Variants in RASSF5 observed in about 807,000 individuals in gnomAD.
RASSF5 encodes the protein Ras association domain family member 5.
A neutral mutation model predicts 40.5 loss-of-function variants in RASSF5; 25 were observed. That is an observed-to-expected ratio of 0.62 (90% confidence interval 0.45 to 0.86). RASSF5 has a LOEUF of 0.86. Ranked by LOEUF, RASSF5 falls within the 40% of genes least tolerant of loss-of-function variation. The probability of loss-of-function intolerance (pLI) is 0.00; values close to 1 mark genes in which losing one functional copy is unlikely to be tolerated. For missense variants in RASSF5, 521 were observed against 572.8 expected, an observed-to-expected ratio of 0.91 and a Z score of 0.92; for synonymous variants, 246 against 252.4, an observed-to-expected ratio of 0.97 and a Z score of 0.24.
In RASSF5 at chr1:206,584,465, C is replaced by A. The variant is rs782709734; in HGVS notation, c.769C>A (p.Arg257=). Residue 257 remains arginine, a synonymous_variant, in exon 4 of 6, where the codon CGG becomes AGG. Transcript: ENST00000579436. The surrounding 1 kb of genome is among the most constrained non-coding windows in gnomAD (Gnocchi z 4.9). ...GCCTGTGACGGTGCCTGCTGGGATC[C>A]GGCCCCAGTCCATCTATGATGCCAT... The part of the protein sequence containing the change: ...RRPVTVPAGI[R]PQSIYDAIKE... 13 of 1,614,156 alleles carry A rather than the reference C, an allele frequency of 8.1e-6. No individual in the cohort carries two copies. The highest frequency in any genetic ancestry group is 3.3e-4 in the Middle Eastern group (2 of 6,062).
intron 2 of RASSF5, among the ~76,000 whole-genome samples, chr1:206,575,167 C>T (rs190350755): frequency 5.8e-4 from 89 of 152,172 alleles, no homozygotes; most frequent in African/African-American, 2.1e-3. Context: ...GGGTGTCTGC[C>T]CCTTGCCTGC....
intron 1 of RASSF5, among the ~76,000 whole-genome samples, chr1:206,534,470 T>G (rs782789318): frequency 6.6e-6 from 1 of 152,180 alleles, no homozygotes; most frequent in Non-Finnish European, 1.5e-5. Context: ...CTGCCTCTTG[T>G]TTGCAAGATC....
intron 2 of RASSF5, among the ~76,000 whole-genome samples, chr1:206,575,521 G>C (rs997229701): frequency 9.9e-5 from 15 of 152,156 alleles, no homozygotes; most frequent in East Asian, 1.9e-4. Flanking sequence ...AAAAAGTAAA[G>C]TCGTGGCGGT....
intron 1 of RASSF5, chr1:206,528,889 T>G: frequency 1.9e-6 from 1 of 513,360 alleles, no homozygotes; most frequent in Non-Finnish European, 3.4e-6. Flanking sequence ...AATTAAAAAA[T>G]TAGCTCTCTC....
intron 1 of RASSF5, among the ~76,000 whole-genome samples, chr1:206,512,252 A>G (rs1666637181): frequency 6.6e-6 from 1 of 152,152 alleles, no homozygotes; most frequent in Non-Finnish European, 1.5e-5. Context: ...GTTAGGGGCC[A>G]GGGAAAGGAC....
Position 206,575,865 on chromosome 1 carries a change from A to C in RASSF5, c.580-7404A>C, listed in dbSNP as rs1668621278. 1.3e-5 allele frequency among the ~76,000 whole-genome samples: 2 copies of C among 152,240 alleles called. 1 individual carries two copies. The highest frequency in any genetic ancestry group is 4.1e-4 in the South Asian group (2 of 4,832). On this transcript the variant is annotated intron_variant, in intron 2 of 5. Transcript: ENST00000579436. ...AGAGCTGAGCCACACGGCTAACGCCAAAGTCCAAAGCCTGGTGTGTGTTCT... is the reference window on the plus strand; with the variant it reads ...AGAGCTGAGCCACACGGCTAACGCCCAAGTCCAAAGCCTGGTGTGTGTTCT...
At chr1:206,546,290 G>A (rs1325016154) in intron 2 of RASSF5, among the ~76,000 whole-genome samples, 5 of 150,950 alleles carry the variant, frequency 3.3e-5, no homozygotes, top group Non-Finnish European at 5.9e-5. Context: ...TGTACTTTTC[G>A]TAGAGACCGG....
chr1:206,578,829 A>T (rs1553405681), intron 2 of RASSF5, among the ~76,000 whole-genome samples: 1 of 151,980 alleles, frequency 6.6e-6, no homozygotes, highest in Non-Finnish European at 1.5e-5. Flanking sequence ...GCATTAGGTC[A>T]CTCTCCAGTC....
chr1:206,576,703 T>C (rs1258593685), intron 2 of RASSF5, among the ~76,000 whole-genome samples: 1 of 152,140 alleles, frequency 6.6e-6, no homozygotes, highest in African/African-American at 2.4e-5. Context: ...GGAAACTACA[T>C]AGAGAAGGTG....
chr1:206,580,313 T>A (rs940101373), intron 2 of RASSF5, among the ~76,000 whole-genome samples: 8 of 152,216 alleles, frequency 5.3e-5, no homozygotes, highest in African/African-American at 1.9e-4. Context: ...TTGGAAACTA[T>A]GAGAGGAGAT....
rs111741631 is a variant in RASSF5 at position 206,573,116 on chromosome 1, G to C, written c.580-10153G>C. Among the ~76,000 whole-genome samples, 1,078 of 152,320 alleles carry C rather than the reference G, an allele frequency of 7.1e-3. 15 individuals are homozygous for C. Among genetic ancestry groups the C allele is most frequent in the African/African-American group, 0.021 (866 of 41,558 alleles). On this transcript the variant is annotated intron_variant, in intron 2 of 5. Transcript: ENST00000579436. ...CTGTGTACTTTGTGCTAAGCACTTT[G>C]AGGCCTGAGATCTCATTTCATCTTC...
intron 2 of RASSF5, among the ~76,000 whole-genome samples, chr1:206,577,232 C>T (rs1188897560): frequency 6.6e-6 from 1 of 152,124 alleles, no homozygotes; most frequent in Non-Finnish European, 1.5e-5. Context: ...TACTGTCTGA[C>T]CCTTTACAGA....
chr1:206,533,830 T>C (rs968487504), intron 1 of RASSF5, among the ~76,000 whole-genome samples: 1 of 152,086 alleles, frequency 6.6e-6, no homozygotes, highest in Admixed American at 6.6e-5. Context: ...TAGTTGCAGG[T>C]GTCATTAAGA....
Position 206,584,276 on chromosome 1 carries a change from G to A in RASSF5, c.691-111G>A, listed in dbSNP as rs1669013256. On this transcript the variant is annotated intron_variant, in intron 3 of 5. Transcript: ENST00000579436. The surrounding 1 kb of genome is among the most constrained non-coding windows in gnomAD (Gnocchi z 4.9). ...AGCTCTCCCACGTCAGCAGAGGCAG[G>A]AAAGAACTCAAGGAGACAGGTGGGT... 9.4e-7 allele frequency: 1 copy of A among 1,068,068 alleles called. No homozygotes were observed. Among genetic ancestry groups the A allele is most frequent in the Admixed American group, 2.8e-5 (1 of 36,030 alleles). 66.2% of individuals were successfully genotyped at this position (1,068,068 alleles called of 1,614,324 possible).
rs1669064719 is a variant in RASSF5 at position 206,585,245 on chromosome 1, A to ACGG, written c.1055_1057dup (p.Thr352_Glu353insAla). 6.2e-7 allele frequency: 1 copy of ACGG among 1,613,942 alleles called. No individual in the cohort carries two copies. Among genetic ancestry groups the ACGG allele is most frequent in the Non-Finnish European group, 8.5e-7 (1 of 1,179,996 alleles). On this transcript the variant is annotated inframe_insertion, in exon 5 of 6. Coordinates refer to ENST00000579436, the MANE Select transcript of RASSF5 (RefSeq NM_182663.4). The stretch of plus-strand genomic sequence containing the variant: ...CCTGCGCCTGCTTGCTGGGCCTGAC[A>ACGG]CGGAGGTCCTCAGCTTTGTGCTAAA...
chr1:206,546,244 G>C lies in RASSF5; in HGVS notation c.579+7951G>C, dbSNP rs571375072. On this transcript the variant is annotated intron_variant, in intron 2 of 5. Transcript: ENST00000579436. ...CCACTTCAGCCTCTCGAGGAACTGGGACTACACATGCACCACCACACCTGG... is the reference window on the plus strand; with the variant it reads ...CCACTTCAGCCTCTCGAGGAACTGGCACTACACATGCACCACCACACCTGG... Among the ~76,000 whole-genome samples, 395 of 151,166 alleles carry C rather than the reference G, an allele frequency of 2.6e-3. 4 individuals are homozygous for C. Among genetic ancestry groups the C allele is most frequent in the African/African-American group, 9.3e-3 (383 of 41,158 alleles).
intron 2 of RASSF5, among the ~76,000 whole-genome samples, chr1:206,566,804 T>C (rs1280559792): frequency 6.6e-6 from 1 of 152,170 alleles, no homozygotes; most frequent in African/African-American, 2.4e-5. Flanking sequence ...CGCCGCTCTT[T>C]CTCTCCTATC....
rs1458927694 is a variant in RASSF5, at chr1:206,587,897, A to G, written c.*919A>G. The stretch of plus-strand genomic sequence containing the variant: ...AAGCTGTCTTCAGCCTTCCCCAGCT[A>G]AAGAGCAGAGGAGGGCCTGGGCTAC... On this transcript the variant is annotated 3_prime_UTR_variant, in exon 6 of 6. Coordinates refer to ENST00000579436, the MANE Select transcript of RASSF5 (RefSeq NM_182663.4). The G allele has an allele frequency of 1.3e-5, 2 of 152,874 alleles. No homozygotes were observed. The highest frequency in any genetic ancestry group is 2.9e-5 in the Non-Finnish European group (2 of 68,110). 9.5% of individuals were successfully genotyped at this position (152,874 alleles called of 1,614,324 possible). A position where few individuals can be genotyped will look rare whatever the true frequency, so the allele number is the denominator to read the frequency against.
chr1:206,516,708 C>T (rs12405069), intron 1 of RASSF5, among the ~76,000 whole-genome samples: 7 of 152,172 alleles, frequency 4.6e-5, no homozygotes, highest in Admixed American at 1.3e-4. Flanking sequence ...CCGCCTGCCT[C>T]GGCCTCCCAA....
Sources: gnomAD v4.1 joint callset for allele counts (sites outside exome capture counted in the v4.1 genomes callset) on GRCh38, gnomAD v4.1.1 for gene constraint, Gnocchi (gnomAD v3.1) non-coding constraint, MANE v1.5 for transcripts, NCBI Gene and HGNC (gene_info 2026-07-23, HGNC 2026-07-21) for gene names.